The following HIVEP3 variants were observed in gnomAD, a reference collection of about 807,000 sequenced individuals.
HIVEP3 encodes HIVEP zinc finger 3.
A neutral mutation model predicts 152.8 loss-of-function variants in HIVEP3; 49 were observed. The observed-to-expected ratio is 0.32, with a 90% CI of 0.26 to 0.41. HIVEP3 has a LOEUF of 0.41. HIVEP3 is among the 10% of genes least tolerant of loss of function. The pLI, the probability that HIVEP3 is intolerant of heterozygous loss-of-function variation, is 1.00. For missense variants in HIVEP3, 2,790 were observed against 3,103.3 expected (o/e 0.90, Z 2.40); for synonymous variants, 1,269 against 1,289.0 (o/e 0.98, Z 0.33).
intron 2 of HIVEP3, among the ~76,000 whole-genome samples, chr1:41,649,584 T>C (rs1323833542): frequency 6.6e-6 from 1 of 152,132 alleles, no homozygotes; most frequent in Non-Finnish European, 1.5e-5. Context: ...ATCTAAATGA[T>C]GGGAATTGGG....
At chr1:41,711,647 C>A (rs1346118642) in intron 1 of HIVEP3, among the ~76,000 whole-genome samples, 3 of 152,212 alleles carry the variant, frequency 2.0e-5, no homozygotes, top group Non-Finnish European at 4.4e-5. Flanking sequence ...GCCCGGCTTT[C>A]GGTAAAAGCT....
At position 41,513,109 on chromosome 1, in the gene HIVEP3, G is replaced by A. The variant is rs1396829515; in HGVS notation, c.6112C>T (p.Leu2038Phe). The A allele has an allele frequency of 1.9e-6, 3 of 1,613,926 alleles. No homozygotes were observed. Among genetic ancestry groups the A allele is most frequent in the Admixed American group, 1.7e-5 (1 of 60,034 alleles). ...SPRLQLSPLT[L>F]CPLGRELAPR... ...GCCAGTTCTCTTCCCAGGGGGCAGA[G>A]GGTGAGAGGAGACAGCTGAAGTCTT... The change falls in exon 8 of 9, where the codon CTC (leucine) becomes TTC (phenylalanine). Residue 2038 changes from leucine (L) to phenylalanine (F), a missense_variant. Leu to Phe is a conservative substitution (Grantham distance 22, BLOSUM62 0). This residue lies in a region of HIVEP3 where 816 missense variants were observed against 806.5 expected (regional missense o/e 1.01). Transcript: ENST00000372583.
chr1:41,728,342 G>A (rs1026924899), intron 1 of HIVEP3, among the ~76,000 whole-genome samples: 1 of 152,180 alleles, frequency 6.6e-6, no homozygotes, highest in African/African-American at 2.4e-5. Flanking sequence ...CCCCAGCCCA[G>A]GGAGTGCCCA....
At chr1:41,967,766 T>C (rs1201214969) in intron 1 of HIVEP3, among the ~76,000 whole-genome samples, 1 of 151,884 alleles carries the variant, frequency 6.6e-6, no homozygotes, top group African/African-American at 2.4e-5. Flanking sequence ...TCAGGAGCTG[T>C]TTTTCTGAAA....
rs368378901 is a variant in HIVEP3 at position 41,533,942 on chromosome 1, T to C, written c.5208-9032A>G. Among the ~76,000 whole-genome samples the C allele has an allele frequency of 0.02, 1 of 50 alleles. No homozygotes were observed. 0.0% of individuals were successfully genotyped at this position (50 alleles called of 152,430 possible). A position where few individuals can be genotyped will look rare whatever the true frequency, so the allele number is the denominator to read the frequency against. On this transcript the variant is annotated intron_variant, in intron 5 of 8. Coordinates refer to ENST00000372583, the MANE Select transcript of HIVEP3 (RefSeq NM_024503.5). The surrounding 1 kb of genome is among the most constrained non-coding windows in gnomAD (Gnocchi z 4.3). ...TGCAGTGTCTGCTCCTGGGTCCCCG[T>C]TCTCTCTCAGCAAGCAGCACCTGCA...
intron 1 of HIVEP3, among the ~76,000 whole-genome samples, chr1:41,975,440 T>C (rs16828942): frequency 0.011 from 1,648 of 152,300 alleles, 30 homozygotes; most frequent in African/African-American, 0.038. Context: ...CAAGCTCCTA[T>C]GGTAGCAGAT....
chr1:41,718,745 GTCTC>G (rs918717261), intron 1 of HIVEP3, among the ~76,000 whole-genome samples: 85 of 151,344 alleles, frequency 5.6e-4, no homozygotes, highest in Admixed American at 4.1e-3. Flanking sequence ...CTCTGTCTCT[GTCTC>G]TCTCTTTCTT....
intron 1 of HIVEP3, among the ~76,000 whole-genome samples, chr1:41,870,254 C>T (rs1314261461): frequency 6.6e-6 from 1 of 152,168 alleles, no homozygotes; most frequent in African/African-American, 2.4e-5. Context: ...AAAAAAGCCC[C>T]CCAGCACTAG....
At chr1:41,824,993 C>T (rs1558302761) in intron 1 of HIVEP3, among the ~76,000 whole-genome samples, 1 of 151,948 alleles carries the variant, frequency 6.6e-6, no homozygotes, top group Non-Finnish European at 1.5e-5. Flanking sequence ...CTGCCTTGGC[C>T]TCCCGAGTAG....
rs929373317 is a variant in HIVEP3, at chr1:41,664,123, A to T, written c.-720-35176T>A. Among the ~76,000 whole-genome samples the T allele has an allele frequency of 6.6e-5, 10 of 152,214 alleles. No individual in the cohort carries two copies. Among genetic ancestry groups the T allele is most frequent in the Admixed American group, 6.5e-4 (10 of 15,294 alleles). ...TCCACCCCCTCCAGCTGTCCTTCAC[A>T]CCCTGAATCCAAGCCTGCCCTTGAT... On this transcript the variant is annotated intron_variant, in intron 2 of 8. Transcript: ENST00000372583. This position sits in a 1 kb window ranked among gnomAD's most constrained non-coding sequence, Gnocchi z 4.4.
chr1:41,986,123 T>A (rs990473876), intron 1 of HIVEP3, among the ~76,000 whole-genome samples: 3 of 152,160 alleles, frequency 2.0e-5, no homozygotes, highest in African/African-American at 4.8e-5. Context: ...TCCTCATCTT[T>A]AAAATCAAGG....
chr1:41,803,039 G>T (rs187652602), intron 1 of HIVEP3, among the ~76,000 whole-genome samples: 12 of 152,338 alleles, frequency 7.9e-5, no homozygotes, highest in Admixed American at 7.8e-4. Context: ...TGTACAGAAG[G>T]GAACTGGCCC....
intron 1 of HIVEP3, among the ~76,000 whole-genome samples, chr1:41,735,693 T>C (rs1646906855): frequency 6.6e-6 from 1 of 152,014 alleles, no homozygotes; most frequent in African/African-American, 2.4e-5. Flanking sequence ...TAAACCCTGC[T>C]CTCCTCCTCC....
Position 41,513,307 on chromosome 1 carries a change from T to C in HIVEP3, c.5914A>G (p.Ser1972Gly). 1.2e-6 allele frequency: 2 copies of C among 1,612,820 alleles called. No homozygotes were observed. The highest frequency in any genetic ancestry group is 1.7e-6 in the Non-Finnish European group (2 of 1,179,858). ...GGTGGACGGCTGCCTGCTTCTTTGC[T>C]TGGGGACCACGGTCTTCTTGGGGAC... The part of the protein sequence containing the change: ...PVSPRRPWSP[S>G]KEAGSRPPLA... Residue 1972 changes from serine (S) to glycine (G), a missense_variant, in exon 8 of 9, where the codon AGC (serine) becomes GGC (glycine). Around this residue, in one of 9 missense-constraint regions of HIVEP3, gnomAD observed 816 missense variants for 806.5 expected, o/e 1.01. Transcript: ENST00000372583.
chr1:41,798,281 A>G (rs986561250), intron 1 of HIVEP3, among the ~76,000 whole-genome samples: 1 of 151,590 alleles, frequency 6.6e-6, no homozygotes, highest in Non-Finnish European at 1.5e-5. Flanking sequence ...TAGAACTTAA[A>G]GTATAATTAA....
intron 5 of HIVEP3, 28 bp downstream of exon 5, chr1:41,575,516 G>A: frequency 6.2e-7 from 1 of 1,611,006 alleles, no homozygotes; most frequent in Non-Finnish European, 8.5e-7. Flanking sequence ...CACGGAAGCA[G>A]ACGATGGAAA....
chr1:41,662,966 T>C lies in HIVEP3; in HGVS notation c.-720-34019A>G, dbSNP rs911903142. ...TAATGAGCTCTGGGCGGGGCGGGCCTGCCAGGGCCTCCCTGGGCTCAGGCC... is the reference window on the plus strand; with the variant it reads ...TAATGAGCTCTGGGCGGGGCGGGCCCGCCAGGGCCTCCCTGGGCTCAGGCC... On this transcript the variant is annotated intron_variant, in intron 2 of 8. Transcript: ENST00000372583. This position sits in a 1 kb window ranked among gnomAD's most constrained non-coding sequence, Gnocchi z 7.2. Among the ~76,000 whole-genome samples, 2 of 147,236 alleles carry C rather than the reference T, an allele frequency of 1.4e-5. No individual in the cohort carries two copies. Among genetic ancestry groups the C allele is most frequent in the Admixed American group, 1.3e-4 (2 of 14,914 alleles).
chr1:41,893,698 A>G (rs538028447), intron 1 of HIVEP3, among the ~76,000 whole-genome samples: 16 of 150,674 alleles, frequency 1.1e-4, no homozygotes, highest in African/African-American at 3.9e-4. Context: ...GTTTATATAT[A>G]TGTGTGTGTG....
chr1:42,025,583 C>G (rs1231767461), intron 1 of HIVEP3, among the ~76,000 whole-genome samples: 1 of 152,212 alleles, frequency 6.6e-6, no homozygotes, highest in Non-Finnish European at 1.5e-5. Flanking sequence ...TTATTTCTGA[C>G]TGTACTGCTC....
Sources: gnomAD v4.1 joint callset for allele counts (sites outside exome capture counted in the v4.1 genomes callset) on GRCh38, gnomAD v4.1.1 for gene constraint, gnomAD v4.1.1 regional missense constraint, Gnocchi (gnomAD v3.1) non-coding constraint, MANE v1.5 for transcripts, NCBI Gene and HGNC (gene_info 2026-07-23, HGNC 2026-07-21) for gene names.